CORIN: variants seen among roughly 807,000 people sequenced by gnomAD.
CORIN encodes corin, serine peptidase, also known as atrial natriuretic peptide-converting enzyme.
A neutral mutation model predicts 125.3 loss-of-function variants in CORIN; 117 were observed. The ratio of observed to expected loss-of-function variants is 0.93; its 90% CI spans 0.80 to 1.09. CORIN has a LOEUF of 1.09. Ranked by LOEUF, CORIN falls within the 50% of genes least tolerant of loss-of-function variation. The pLI is 0.00. For missense variants in CORIN, 1,253 were observed against 1,306.7 expected, an observed-to-expected ratio of 0.96 and a Z score of 0.63; for synonymous variants, 450 against 466.4, an observed-to-expected ratio of 0.96 and a Z score of 0.45.
At chr4:47,723,000 T>C (rs1727425372) in intron 5 of CORIN, among the ~76,000 whole-genome samples, 1 of 152,224 alleles carries the variant, frequency 6.6e-6, no homozygotes, top group African/African-American at 2.4e-5. Context: ...TGCAGCAGTC[T>C]TGACCAAGAG....
intron 16 of CORIN, among the ~76,000 whole-genome samples, chr4:47,627,894 G>A (rs1315502871): frequency 6.6e-6 from 1 of 152,156 alleles, no homozygotes; most frequent in East Asian, 1.9e-4. Flanking sequence ...AATTAGGAGA[G>A]AGTGTGCACT....
intron 5 of CORIN, among the ~76,000 whole-genome samples, chr4:47,701,745 G>T (rs1470824239): frequency 7.1e-6 from 1 of 140,942 alleles, no homozygotes; most frequent in African/African-American, 2.6e-5. Context: ...ATCAGAGACT[G>T]CCAGAAACTG....
At chr4:47,640,576 C>T (rs1723197286) in intron 16 of CORIN, among the ~76,000 whole-genome samples, 1 of 152,146 alleles carries the variant, frequency 6.6e-6, no homozygotes, top group African/African-American at 2.4e-5. Context: ...GATGGTTGCA[C>T]AACATTGTGA....
chr4:47,645,229 G>T, intron 13 of CORIN, 35 bp from the exon 14 acceptor site: 2 of 1,211,486 alleles, frequency 1.7e-6, no homozygotes, highest in Non-Finnish European at 2.4e-6. Context: ...TGCAATAGAC[G>T]TGGAATTGAA....
At chr4:47,671,423 T>A (rs1724752311) in intron 10 of CORIN, among the ~76,000 whole-genome samples, 1 of 152,186 alleles carries the variant, frequency 6.6e-6, no homozygotes, top group Admixed American at 6.5e-5. Context: ...CATCTTCAAG[T>A]AATGAACCAT....
chr4:47,699,203 C>A (rs534637298), intron 5 of CORIN, among the ~76,000 whole-genome samples: 1 of 152,268 alleles, frequency 6.6e-6, no homozygotes, highest in South Asian at 2.1e-4. Flanking sequence ...GAGTATCATC[C>A]ACATCAAGAA....
intron 1 of CORIN, among the ~76,000 whole-genome samples, chr4:47,832,336 G>A (rs1321450310): frequency 6.6e-6 from 1 of 152,006 alleles, no homozygotes. Flanking sequence ...CTCAACAAAC[G>A]GAAGTGATTC....
chr4:47,699,502 C>G (rs914456149), intron 5 of CORIN, among the ~76,000 whole-genome samples: 2 of 152,206 alleles, frequency 1.3e-5, no homozygotes, highest in Non-Finnish European at 2.9e-5. Flanking sequence ...TCTCTCCCTT[C>G]TAGAATGCAA....
At chr4:47,633,365 A>G (rs1226606564) in intron 16 of CORIN, among the ~76,000 whole-genome samples, 2 of 152,206 alleles carry the variant, frequency 1.3e-5, no homozygotes. Context: ...TATCATTCTA[A>G]TATAAATTAG....
chr4:47,745,646 C>T (rs1007674513), intron 4 of CORIN, among the ~76,000 whole-genome samples: 1 of 152,172 alleles, frequency 6.6e-6, no homozygotes, highest in Non-Finnish European at 1.5e-5. Flanking sequence ...CACATTCTAC[C>T]TACTCTCCCT....
chr4:47,729,193 AAAG>A (rs1176465108), intron 5 of CORIN, among the ~76,000 whole-genome samples: 7 of 152,238 alleles, frequency 4.6e-5, no homozygotes, highest in African/African-American at 1.7e-4. Context: ...TCACAGATCA[AAAG>A]AAGTTGTTAG....
At chr4:47,809,268 G>C (rs1731942234) in intron 1 of CORIN, among the ~76,000 whole-genome samples, 1 of 152,132 alleles carries the variant, frequency 6.6e-6, no homozygotes, top group Non-Finnish European at 1.5e-5. Flanking sequence ...TATAAGTAAA[G>C]AGTCAGTGGA....
intron 13 of CORIN, 40 bp downstream of exon 13, chr4:47,653,513 T>A (rs867930840): frequency 6.8e-7 from 1 of 1,463,476 alleles, no homozygotes; most frequent in Middle Eastern, 1.7e-4. Flanking sequence ...ATTCTAGTTA[T>A]CACTGTACAT....
chr4:47,667,876 T>A (rs1724554390), intron 10 of CORIN, among the ~76,000 whole-genome samples: 1 of 152,144 alleles, frequency 6.6e-6, no homozygotes, highest in Admixed American at 6.5e-5. Flanking sequence ...TCCCCCAAAA[T>A]TCATATGTTG....
At chr4:47,819,167 G>A (rs1732397771) in intron 1 of CORIN, among the ~76,000 whole-genome samples, 1 of 152,100 alleles carries the variant, frequency 6.6e-6, no homozygotes. Context: ...GGTTAGATGC[G>A]GATTTGAGAG....
intron 16 of CORIN, among the ~76,000 whole-genome samples, 190 bp from the exon 17 acceptor site, chr4:47,626,711 C>A (rs529820585): frequency 6.6e-6 from 1 of 152,284 alleles, no homozygotes; most frequent in East Asian, 1.9e-4. Flanking sequence ...TGTGTTTGAA[C>A]TGCATGAGGT....
chr4:47,790,865 A>G (rs1278157810), intron 2 of CORIN, among the ~76,000 whole-genome samples: 1 of 152,174 alleles, frequency 6.6e-6, no homozygotes, highest in Non-Finnish European at 1.5e-5. Context: ...AGAAAGTCAC[A>G]TTGTATTAAG....
At chr4:47,694,313 T>C (rs1048311902) in intron 5 of CORIN, among the ~76,000 whole-genome samples, 1 of 152,206 alleles carries the variant, frequency 6.6e-6, no homozygotes, top group Non-Finnish European at 1.5e-5. Context: ...TATTCTGCAT[T>C]TTACAAATTT....
At chr4:47,712,941 T>C (rs981934278) in intron 5 of CORIN, among the ~76,000 whole-genome samples, 1 of 152,172 alleles carries the variant, frequency 6.6e-6, no homozygotes, top group African/African-American at 2.4e-5. Flanking sequence ...TGGAGATCAC[T>C]GTAAGGTTTC....
Sources: allele counts gnomAD v4.1 joint callset (sites outside exome capture counted in the v4.1 genomes callset), GRCh38; gene constraint gnomAD v4.1.1; transcripts MANE v1.5; gene names NCBI Gene and HGNC (gene_info 2026-07-23, HGNC 2026-07-21).